The following DNM3 variants were observed in gnomAD, a reference collection of about 807,000 sequenced individuals.
DNM3 encodes the protein dynamin-3.
DNM3 carries 47 observed loss-of-function variants against 101.6 expected under a neutral mutation model. The observed-to-expected ratio is 0.46, with a 90% CI of 0.37 to 0.59. The LOEUF (loss-of-function observed/expected upper bound fraction) is 0.59. Among genes scored for constraint, DNM3 ranks in the 20% least tolerant of loss-of-function variants. The pLI, the probability that DNM3 is intolerant of heterozygous loss-of-function variation, is 0.00. For missense variants in DNM3, 849 were observed against 1,085.7 expected (o/e 0.78, Z 3.06); for synonymous variants, 385 against 387.9 (o/e 0.99, Z 0.09).
intron 10 of DNM3, among the ~76,000 whole-genome samples, chr1:172,059,214 AC>A (rs1358105035): frequency 1.4e-5 from 2 of 146,128 alleles, no homozygotes; most frequent in East Asian, 4.1e-4. Context: ...TAGCTTACCA[AC>A]CAAAAAGAGT....
chr1:172,367,145 A>C (rs1056067974), intron 17 of DNM3, among the ~76,000 whole-genome samples: 5 of 151,878 alleles, frequency 3.3e-5, no homozygotes, highest in South Asian at 2.1e-4. Flanking sequence ...CATTAAGCTA[A>C]CATTAGATTT....
chr1:171,987,642 T>C lies in DNM3; in HGVS notation c.236-14T>C, dbSNP rs1444676916. ...ATGAATTTAAGTTGTGTCATTTTGG[T>C]TTTATTTTTGTAGAATATGCCGAGT... On this transcript the variant is annotated splice_polypyrimidine_tract_variant and intron_variant, in intron 2 of 20. Coordinates refer to ENST00000627582, the MANE Select transcript of DNM3 (RefSeq NM_015569.5). 1 of 1,552,056 alleles carries C rather than the reference T, an allele frequency of 6.4e-7. No individual in the cohort carries two copies. The highest frequency in any genetic ancestry group is 1.4e-5 in the African/African-American group (1 of 72,086).
intron 4 of DNM3, among the ~76,000 whole-genome samples, chr1:171,993,426 C>T (rs2045771709): frequency 6.7e-6 from 1 of 149,782 alleles, no homozygotes; most frequent in South Asian, 2.1e-4. Context: ...CCTCCATGGT[C>T]AAAATTCAGC....
intron 16 of DNM3, among the ~76,000 whole-genome samples, chr1:172,316,177 C>T (rs1277835379): frequency 6.6e-6 from 1 of 151,994 alleles, no homozygotes. Context: ...ACTTCACAGA[C>T]AAGCAAATGC....
chr1:172,071,918 C>T (rs1230239904), intron 11 of DNM3, among the ~76,000 whole-genome samples: 1 of 152,164 alleles, frequency 6.6e-6, no homozygotes, highest in South Asian at 2.1e-4. Flanking sequence ...TTTCATCCCC[C>T]ACATGCGACC....
intron 4 of DNM3, among the ~76,000 whole-genome samples, chr1:172,018,060 C>T (rs1217670696): frequency 6.6e-6 from 1 of 151,462 alleles, no homozygotes; most frequent in African/African-American, 2.4e-5. Context: ...TATCTTTCCT[C>T]ATCTATTTAC....
intron 6 of DNM3, among the ~76,000 whole-genome samples, chr1:172,036,324 AG>A (rs1558461623): frequency 6.6e-6 from 1 of 151,632 alleles, no homozygotes; most frequent in African/African-American, 2.4e-5. Flanking sequence ...GTCCCTACAA[AG>A]GACATGAACT....
chr1:171,961,315 G>A (rs2043196319), intron 2 of DNM3, among the ~76,000 whole-genome samples: 1 of 152,132 alleles, frequency 6.6e-6, no homozygotes, highest in African/African-American at 2.4e-5. Context: ...TGGTGACAGT[G>A]ACAAGAGCAG....
Position 172,408,615 on chromosome 1 carries a change from ATTTC to A in DNM3, c.*782_*785del. 2 of 984,880 alleles carry A rather than the reference ATTTC, an allele frequency of 2.0e-6. No homozygotes were observed. The highest frequency in any genetic ancestry group is 2.4e-6 in the Non-Finnish European group (2 of 829,476). The allele number at this position is 984,880 out of a possible 1,614,324, so 61.0% of individuals were successfully genotyped here. A position where few individuals can be genotyped will look rare whatever the true frequency, so the allele number is the denominator to read the frequency against. On this transcript the variant is annotated 3_prime_UTR_variant, in exon 21 of 21. Coordinates refer to ENST00000627582, the MANE Select transcript of DNM3 (RefSeq NM_015569.5). ...CTCTAGAAGTGTTGGGAAAAATATA[ATTTC>A]TTTCTTTACTTATATTCACCTCATG...
At chr1:172,178,972 T>C (rs1572846841) in intron 14 of DNM3, among the ~76,000 whole-genome samples, 2 of 151,960 alleles carry the variant, frequency 1.3e-5, no homozygotes, top group East Asian at 3.9e-4. Flanking sequence ...GTCTAAAATA[T>C]AAGGAATGCT....
At chr1:171,884,309 C>T (rs12143501) in intron 1 of DNM3, among the ~76,000 whole-genome samples, 17,554 of 152,212 alleles carry the variant, frequency 0.12, 1,197 homozygotes, top group South Asian at 0.23. Context: ...AAAGACTAGG[C>T]ATCATCTCCT....
At chr1:172,145,747 A>T (rs972219111) in intron 14 of DNM3, among the ~76,000 whole-genome samples, 2 of 152,146 alleles carry the variant, frequency 1.3e-5, no homozygotes, top group Admixed American at 1.3e-4. Context: ...TGTTAGGTAT[A>T]GCATTGTTTT....
chr1:172,270,818 G>GAA (rs796437677), intron 15 of DNM3, among the ~76,000 whole-genome samples: 1 of 147,436 alleles, frequency 6.8e-6, no homozygotes, highest in Non-Finnish European at 1.5e-5. Context: ...CTTAGAATCT[G>GAA]AAAAAAAAAA....
chr1:172,416,690 T>G (rs1430895665), downstream of DNM3, among the ~76,000 whole-genome samples: 1 of 152,216 alleles, frequency 6.6e-6, no homozygotes, highest in Non-Finnish European at 1.5e-5. Flanking sequence ...GTCATTAAAG[T>G]GTTCTAAAGC....
At chr1:172,033,306 A>G (rs374807000) in intron 6 of DNM3, 41 bp downstream of exon 6, 2 of 1,530,384 alleles carry the variant, frequency 1.3e-6, no homozygotes, top group African/African-American at 1.4e-5. Flanking sequence ...ATTATGAAAT[A>G]TGTAAGTAGG....
intron 10 of DNM3, among the ~76,000 whole-genome samples, chr1:172,066,013 G>A (rs1213536638): frequency 6.6e-6 from 1 of 152,150 alleles, no homozygotes; most frequent in East Asian, 1.9e-4. Flanking sequence ...TGTTGTGCAT[G>A]CTATAAAGGT....
intron 4 of DNM3, among the ~76,000 whole-genome samples, chr1:172,017,161 T>C (rs1316367678): frequency 1.3e-5 from 2 of 152,184 alleles, no homozygotes; most frequent in African/African-American, 2.4e-5. Flanking sequence ...TAGAGGCTTA[T>C]TGATTTTATA....
At chr1:172,132,925 A>G in intron 14 of DNM3, 1 of 1,332,572 alleles carries the variant, frequency 7.5e-7, no homozygotes, top group Non-Finnish European at 1.1e-6. Context: ...AACTTACCAA[A>G]GTCACACAGC....
rs943517950 is a variant in DNM3 at position 172,041,876 on chromosome 1, A to C, written c.993-133A>C. ...CACTGTGAGTACTACATAGAGTGCA[A>C]TGTTAACTCTGCCAGTAGGTGCCAC... is the stretch of plus-strand genomic sequence containing the variant. On this transcript the variant is annotated intron_variant, in intron 7 of 20. Coordinates refer to ENST00000627582, the MANE Select transcript of DNM3 (RefSeq NM_015569.5). 6 of 852,440 alleles carry C rather than the reference A, an allele frequency of 7.0e-6. No homozygotes were observed. In the African/African-American group the frequency reaches 1.0e-4, roughly 14 times the overall value. 52.8% of individuals were successfully genotyped at this position (852,440 alleles called of 1,614,324 possible).
Sources: allele counts gnomAD v4.1 joint callset (sites outside exome capture counted in the v4.1 genomes callset), GRCh38; gene constraint gnomAD v4.1.1; transcripts MANE v1.5; gene names NCBI Gene and HGNC (gene_info 2026-07-23, HGNC 2026-07-21).